Variants in ODAD4 observed in about 807,000 individuals in gnomAD.
ODAD4 encodes outer dynein arm docking complex subunit 4.
A neutral mutation model predicts 51.8 loss-of-function variants in ODAD4; 49 were observed. That is an observed-to-expected ratio of 0.95 (90% CI 0.75 to 1.20). The LOEUF is 1.20. Ranked by LOEUF, ODAD4 falls within the 50% of genes most tolerant of loss-of-function variation. ODAD4 has a pLI of 0.00. For missense variants in ODAD4, 590 were observed against 586.5 expected (o/e 1.01, Z -0.06); for synonymous variants, 235 against 221.3 (o/e 1.06, Z -0.55).
chr17:41,952,055 G>A (rs2050661027), intron 9 of ODAD4, among the ~76,000 whole-genome samples: 1 of 151,578 alleles, frequency 6.6e-6, no homozygotes, highest in South Asian at 2.1e-4. Flanking sequence ...GCAACTTAAA[G>A]AGACCTCATC....
chr17:41,949,229 T>C lies in ODAD4; in HGVS notation c.1222T>C (p.Leu408=). 2.5e-6 allele frequency: 1 copy of C among 398,532 alleles called. No homozygotes were observed. Among genetic ancestry groups the C allele is most frequent in the Non-Finnish European group, 4.4e-6 (1 of 226,076 alleles). 24.7% of individuals were successfully genotyped at this position (398,532 alleles called of 1,614,324 possible). A position where few individuals can be genotyped will look rare whatever the true frequency, so the allele number is the denominator to read the frequency against. The change falls in exon 9 of 12, where the codon TTG becomes CTG. Residue 408 remains leucine (L), a synonymous_variant. Coordinates refer to ENST00000377540, the MANE Select transcript of ODAD4 (RefSeq NM_031421.5). ...WLFHEIGRCY[L]ELDQAWQAQN... ...GTTCCACGAGATCGGCCGCTGCTAC[T>C]TGGAGCTGGACCAGGCCTGGCAGGC...
At chr17:41,957,890 T>TCCC (rs2050754420) in intron 10 of ODAD4, among the ~76,000 whole-genome samples, 1 of 152,208 alleles carries the variant, frequency 6.6e-6, no homozygotes, top group African/African-American at 2.4e-5. Context: ...GCTCAAGAGA[T>TCCC]AAGTATCTGG....
At chr17:41,955,678 C>A (rs1251067840) in intron 10 of ODAD4, among the ~76,000 whole-genome samples, 1 of 152,172 alleles carries the variant, frequency 6.6e-6, no homozygotes, top group African/African-American at 2.4e-5. Flanking sequence ...CCCGCCTTGG[C>A]CTCTCAAAAT....
intron 8 of ODAD4, among the ~76,000 whole-genome samples, chr17:41,946,179 A>G (rs2050583032): frequency 6.6e-6 from 1 of 152,128 alleles, no homozygotes; most frequent in South Asian, 2.1e-4. Context: ...CCGAAGGTCA[A>G]GCTCCACCAT....
chr17:41,936,884 C>G lies in ODAD4; in HGVS notation c.582C>G (p.Leu194=). The G allele has an allele frequency of 1.2e-6, 2 of 1,613,932 alleles. No individual in the cohort carries two copies. Among genetic ancestry groups the G allele is most frequent in the Non-Finnish European group, 1.7e-6 (2 of 1,179,884 alleles). ...EKTVRQLLGE[L]YVDKEYLEKL... ...CTGTCCGCCAGCTTCTGGGGGAGCT[C>G]TACGTGGACAAAGAGTATTTGGAGA... Residue 194 remains leucine, a synonymous_variant, in exon 5 of 12, where the codon CTC becomes CTG. Coordinates refer to ENST00000377540, the MANE Select transcript of ODAD4 (RefSeq NM_031421.5).
At chr17:41,953,670 G>T (rs11870406) in intron 9 of ODAD4, among the ~76,000 whole-genome samples, 10,111 of 134,964 alleles carry the variant, frequency 0.075, 347 homozygotes, top group Admixed American at 0.096. Flanking sequence ...TATATATATA[G>T]AGAGAGAGAG....
At chr17:41,953,667 A>AGAGC (rs2050689649) in intron 9 of ODAD4, among the ~76,000 whole-genome samples, 1 of 143,834 alleles carries the variant, frequency 7.0e-6, no homozygotes, top group East Asian at 2.0e-4. Flanking sequence ...ATATATATAT[A>AGAGC]TAGAGAGAGA....
chr17:41,963,641 CT>C lies in ODAD4; in HGVS notation c.1529-1337del, dbSNP rs571961236. Among the ~76,000 whole-genome samples, 374 of 140,672 alleles carry C rather than the reference CT, an allele frequency of 2.7e-3. 1 individual carries two copies. The highest frequency in any genetic ancestry group is 0.011 in the Middle Eastern group (3 of 270). 92.3% of individuals were successfully genotyped at this position (140,672 alleles called of 152,430 possible). A position where few individuals can be genotyped will look rare whatever the true frequency, so the allele number is the denominator to read the frequency against. On this transcript the variant is annotated intron_variant, in intron 11 of 11. Transcript: ENST00000377540. ...GACCATTGTGTGATTTCTTTTCTTTCTTTTTTTTTTTTTTTGAAACGGAGTC... is the reference window on the plus strand; with the variant it reads ...GACCATTGTGTGATTTCTTTTCTTTCTTTTTTTTTTTTTTGAAACGGAGTC...
At chr17:41,964,356 C>T (rs2050846453) in intron 11 of ODAD4, among the ~76,000 whole-genome samples, 1 of 152,138 alleles carries the variant, frequency 6.6e-6, no homozygotes, top group Admixed American at 6.5e-5. Context: ...CCATGCCGCC[C>T]GGCCGTGTGA....
At chr17:41,936,987 A>C in intron 5 of ODAD4, 60 bp downstream of exon 5, 3 of 1,582,048 alleles carry the variant, frequency 1.9e-6, no homozygotes, top group Non-Finnish European at 2.6e-6. Context: ...TGGATGCTTC[A>C]TGCATGAGCT....
rs576312000 is a variant in ODAD4 at position 41,962,261 on chromosome 17, C to T, written c.1528+795C>T. On this transcript the variant is annotated intron_variant, in intron 11 of 11. Coordinates refer to ENST00000377540, the MANE Select transcript of ODAD4 (RefSeq NM_031421.5). ...CTCGGGGCCCCACTCTCCCCACCTG[C>T]GGCGCTGCTCTCGGGCCAGCAGTGT... Among the ~76,000 whole-genome samples, 286 of 152,284 alleles carry T rather than the reference C, an allele frequency of 1.9e-3. 1 individual carries two copies. Among genetic ancestry groups the T allele is most frequent in the African/African-American group, 6.3e-3 (260 of 41,552 alleles).
chr17:41,935,326 A>C lies in ODAD4; in HGVS notation c.224A>C (p.Gln75Pro). ...CTGAAGGATGCTGAGGCTTCGCTCC[A>C]GAGTGACCCAGCTTTCTGTAAGGTG... ...RSLKDAEASL[Q>P]SDPAFCKGIL... Residue 75 changes from glutamine to proline, a missense_variant, in exon 2 of 12, where the codon CAG becomes CCG. This residue lies in a region of ODAD4 where 360 missense variants were observed against 407.5 expected (regional missense o/e 0.88). Transcript: ENST00000377540. 6.2e-7 allele frequency: 1 copy of C among 1,613,984 alleles called. No individual in the cohort carries two copies. Among genetic ancestry groups the C allele is most frequent in the Non-Finnish European group, 8.5e-7 (1 of 1,179,884 alleles).
At chr17:41,934,275 A>C (rs536122312) in intron 1 of ODAD4, among the ~76,000 whole-genome samples, 41 of 151,822 alleles carry the variant, frequency 2.7e-4, no homozygotes, top group African/African-American at 9.9e-4. Context: ...TCCTGACTTC[A>C]AGTGACCCAC....
chr17:41,935,278 A>T lies in ODAD4; in HGVS notation c.176A>T (p.Lys59Met), dbSNP rs782309647. ...GTTGCTCGCTCAAAGTGCTTCCTGA[A>T]GATGGGAGACTTGGAGAGATCCCTG... ...CLVARSKCFL[K>M]MGDLERSLKD... Residue 59 changes from lysine (K) to methionine (M), a missense_variant, in exon 2 of 12, where the codon AAG becomes ATG. Around this residue, in one of 3 missense-constraint regions of ODAD4, gnomAD observed 360 missense variants for 407.5 expected, o/e 0.88. Transcript: ENST00000377540. 6.2e-7 allele frequency: 1 copy of T among 1,614,016 alleles called. No homozygotes were observed. Among genetic ancestry groups the T allele is most frequent in the South Asian group, 1.1e-5 (1 of 91,082 alleles).
intron 10 of ODAD4, among the ~76,000 whole-genome samples, chr17:41,956,915 A>G (rs537566262): frequency 1.3e-5 from 2 of 151,832 alleles, no homozygotes; most frequent in South Asian, 4.2e-4. Flanking sequence ...CTTTTTATGT[A>G]TTTATTTTTA....
At chr17:41,960,779 C>T (rs2050795598) in intron 10 of ODAD4, among the ~76,000 whole-genome samples, 1 of 152,162 alleles carries the variant, frequency 6.6e-6, no homozygotes, top group Non-Finnish European at 1.5e-5. Flanking sequence ...GAGAGTGCAT[C>T]CAGGCCCCGG....
At chr17:41,954,873 G>A (rs944942497) in intron 9 of ODAD4, among the ~76,000 whole-genome samples, 5 of 150,316 alleles carry the variant, frequency 3.3e-5, no homozygotes, top group Admixed American at 6.7e-5. Context: ...AAAAAAATTC[G>A]TCTTCCAGAA....
At chr17:41,948,308 T>G (rs1313538134) in intron 8 of ODAD4, among the ~76,000 whole-genome samples, 1 of 129,304 alleles carries the variant, frequency 7.7e-6, no homozygotes, top group African/African-American at 2.8e-5. Flanking sequence ...TTAGTAATTT[T>G]TTTCTTTCTT....
intron 1 of ODAD4, among the ~76,000 whole-genome samples, chr17:41,931,933 G>GTTGTTGTTA: frequency 6.6e-6 from 1 of 151,680 alleles, no homozygotes; most frequent in African/African-American, 2.4e-5. Context: ...TGTTGTTGTT[G>GTTGTTGTTA]TTGTTGTTTT....
Sources: gnomAD v4.1 joint callset for allele counts (sites outside exome capture counted in the v4.1 genomes callset) on GRCh38, gnomAD v4.1.1 for gene constraint, gnomAD v4.1.1 regional missense constraint, MANE v1.5 for transcripts, NCBI Gene and HGNC (gene_info 2026-07-23, HGNC 2026-07-21) for gene names.